PLPPR4: variants seen among roughly 807,000 people sequenced by gnomAD.
PLPPR4 encodes phospholipid phosphatase related 4, also known as phospholipid phosphatase-related protein type 4.
A neutral mutation model predicts 56.6 loss-of-function variants in PLPPR4; 24 were observed. The ratio of observed to expected loss-of-function variants is 0.42; its 90% CI spans 0.31 to 0.60. The LOEUF is 0.60. Ranked by LOEUF, PLPPR4 falls within the 20% of genes least tolerant of loss-of-function variation. The pLI, the probability that PLPPR4 is intolerant of heterozygous loss-of-function variation, is 0.13. For missense variants in PLPPR4, 654 were observed against 885.8 expected (o/e 0.74, Z 3.32); for synonymous variants, 326 against 328.1 (o/e 0.99, Z 0.07).
Position 99,309,167 on chromosome 1 carries a change from C to T in PLPPR4, c.*2157C>T, listed in dbSNP as rs1660124119. 1.3e-5 allele frequency: 2 copies of T among 152,368 alleles called. No individual in the cohort carries two copies. The highest frequency in any genetic ancestry group is 1.3e-4 in the Admixed American group (2 of 15,250). 9.4% of individuals were successfully genotyped at this position (152,368 alleles called of 1,614,324 possible). ...TAATGATAGACACTAGAACTCAGAC[C>T]TCTGCATGTATATTTGATAACATGT... On this transcript the variant is annotated 3_prime_UTR_variant, in exon 7 of 7. Transcript: ENST00000370185.
chr1:99,283,679 G>GCA (rs1659387624), intron 1 of PLPPR4, among the ~76,000 whole-genome samples: 1 of 152,142 alleles, frequency 6.6e-6, no homozygotes, highest in South Asian at 2.1e-4. Context: ...GGCTGGGCGC[G>GCA]GTGGCTCACG....
upstream of PLPPR4, among the ~76,000 whole-genome samples, chr1:99,263,362 G>T (rs1208355190): frequency 6.6e-6 from 1 of 152,172 alleles, no homozygotes; most frequent in Non-Finnish European, 1.5e-5. Flanking sequence ...AGAAGAAAGT[G>T]GGGGCAAGAG....
chr1:99,267,548 C>T (rs1368513636), intron 1 of PLPPR4, among the ~76,000 whole-genome samples: 1 of 152,178 alleles, frequency 6.6e-6, no homozygotes, highest in Non-Finnish European at 1.5e-5. Context: ...ATTATACCTA[C>T]ATCTTAGAAT....
At chr1:99,270,321 T>C (rs6689388) in intron 1 of PLPPR4, among the ~76,000 whole-genome samples, 13,270 of 152,174 alleles carry the variant, frequency 0.087, 1,048 homozygotes, top group African/African-American at 0.2. Flanking sequence ...CCACTGCACC[T>C]GGCCTACTCA....
intron 1 of PLPPR4, among the ~76,000 whole-genome samples, chr1:99,276,938 G>A (rs958283943): frequency 6.6e-6 from 1 of 152,174 alleles, no homozygotes; most frequent in Non-Finnish European, 1.5e-5. Flanking sequence ...TGAGAGGGAT[G>A]AGCATTGTTA....
rs755330528 is a variant in PLPPR4 at position 99,301,017 on chromosome 1, G to A, written c.648+51G>A. On this transcript the variant is annotated intron_variant, in intron 5 of 6. Transcript: ENST00000370185. ...AGTTGTGTTCTACAGAAAATCTGAG[G>A]AATGAATGTTGTCTCCAGGTGACTA... 10 of 1,511,364 alleles carry A rather than the reference G, an allele frequency of 6.6e-6. No individual in the cohort carries two copies. In the East Asian group the frequency reaches 2.3e-4, roughly 34 times the overall value. The allele number at this position is 1,511,364 out of a possible 1,614,324, so 93.6% of individuals were successfully genotyped here. A position where few individuals can be genotyped will look rare whatever the true frequency, so the allele number is the denominator to read the frequency against.
At chr1:99,275,729 G>A (rs72978842) in intron 1 of PLPPR4, among the ~76,000 whole-genome samples, 13,257 of 152,158 alleles carry the variant, frequency 0.087, 1,046 homozygotes, top group African/African-American at 0.2. Flanking sequence ...CAACATGACT[G>A]ACAAGGGCCA....
At chr1:99,299,962 C>T (rs1659842315) in intron 4 of PLPPR4, among the ~76,000 whole-genome samples, 1 of 151,918 alleles carries the variant, frequency 6.6e-6, no homozygotes, top group Non-Finnish European at 1.5e-5. Flanking sequence ...TTGAATTTTC[C>T]ATTCAATAAG....
At chr1:99,297,781 G>A (rs1570921575) in intron 3 of PLPPR4, among the ~76,000 whole-genome samples, 1 of 151,908 alleles carries the variant, frequency 6.6e-6, no homozygotes, top group South Asian at 2.1e-4. Flanking sequence ...TAACAGCATC[G>A]CAAACTCAGG....
rs189832912 is a variant in PLPPR4, at chr1:99,308,129, G to C, written c.*1119G>C. On this transcript the variant is annotated 3_prime_UTR_variant, in exon 7 of 7. Transcript: ENST00000370185. ...AACAAGTAATCTAAAAGTCCCATTC[G>C]GTTCTACATTATTAACTTTTTTTTT... The C allele has an allele frequency of 6.6e-6, 1 of 151,952 alleles. No homozygotes were observed. The highest frequency in any genetic ancestry group is 6.6e-5 in the Admixed American group (1 of 15,258). 9.4% of individuals were successfully genotyped at this position (151,952 alleles called of 1,614,324 possible). A position where few individuals can be genotyped will look rare whatever the true frequency, so the allele number is the denominator to read the frequency against.
chr1:99,287,873 G>T, intron 1 of PLPPR4, 92 bp from the exon 2 acceptor site: 1 of 886,408 alleles, frequency 1.1e-6, no homozygotes, highest in Admixed American at 2.4e-5. Context: ...TCGGAGAAGA[G>T]TAGCGAGAGA....
chr1:99,277,331 A>T (rs1659213235), intron 1 of PLPPR4, among the ~76,000 whole-genome samples: 1 of 152,198 alleles, frequency 6.6e-6, no homozygotes, highest in African/African-American at 2.4e-5. Context: ...ATCTGGCCAC[A>T]GTTGCTTTGG....
At chr1:99,277,760 A>G (rs1320713254) in intron 1 of PLPPR4, among the ~76,000 whole-genome samples, 2 of 151,758 alleles carry the variant, frequency 1.3e-5, no homozygotes, top group Admixed American at 1.3e-4. Context: ...TTCAAACTAG[A>G]TCTTTTTCAG....
intron 6 of PLPPR4, among the ~76,000 whole-genome samples, chr1:99,304,975 G>T (rs1341596125): frequency 1.3e-5 from 2 of 152,130 alleles, no homozygotes; most frequent in African/African-American, 4.8e-5. Flanking sequence ...GATACACTGT[G>T]TATGAAGACA....
chr1:99,306,447 A>T lies in PLPPR4; in HGVS notation c.1585A>T (p.Met529Leu). 6.2e-7 allele frequency: 1 copy of T among 1,614,234 alleles called. No individual in the cohort carries two copies. Among genetic ancestry groups the T allele is most frequent in the Non-Finnish European group, 8.5e-7 (1 of 1,180,044 alleles). ...CNRSNSQPRIMQVIAMSKQQG... is the reference protein window; with the variant it reads ...CNRSNSQPRILQVIAMSKQQG... ...CAGAAGCAACAGCCAGCCCCGAATC[A>T]TGCAAGTCATAGCCATGTCCAAGCA... Residue 529 changes from methionine (M) to leucine (L), a missense_variant, in exon 7 of 7, where the codon ATG (methionine) becomes TTG (leucine). Around this residue, in one of 2 missense-constraint regions of PLPPR4, gnomAD observed 468 missense variants for 554.3 expected, o/e 0.84. Transcript: ENST00000370185. This position sits in a 1 kb window ranked among gnomAD's most constrained non-coding sequence, Gnocchi z 4.0.
intron 1 of PLPPR4, among the ~76,000 whole-genome samples, chr1:99,276,865 G>A (rs144731921): frequency 0.029 from 4,355 of 152,168 alleles, 95 homozygotes; most frequent in Non-Finnish European, 0.04. Flanking sequence ...AGCCAAATTA[G>A]GACTGTGAAA....
At chr1:99,273,756 A>C (rs1189924489) in intron 1 of PLPPR4, among the ~76,000 whole-genome samples, 2 of 152,154 alleles carry the variant, frequency 1.3e-5, no homozygotes, top group African/African-American at 4.8e-5. Flanking sequence ...TCTATAGTAG[A>C]ATTTCAATAA....
Position 99,299,250 on chromosome 1 carries a change from A to G in PLPPR4, c.590+20A>G, listed in dbSNP as rs768096562. ...TGGCAGGTTAGAAACAGATCTAAAAACACTCTGCATCATTGTTTTCATTAT... is the reference window on the plus strand; with the variant it reads ...TGGCAGGTTAGAAACAGATCTAAAAGCACTCTGCATCATTGTTTTCATTAT... On this transcript the variant is annotated intron_variant, in intron 4 of 6. Transcript: ENST00000370185. 2.4e-5 allele frequency: 37 copies of G among 1,572,566 alleles called. No homozygotes were observed. The highest frequency in any genetic ancestry group is 3.1e-5 in the Non-Finnish European group (36 of 1,144,062).
intron 4 of PLPPR4, among the ~76,000 whole-genome samples, chr1:99,300,178 G>C (rs535018034): frequency 6.6e-6 from 1 of 151,834 alleles, no homozygotes; most frequent in Admixed American, 6.6e-5. Context: ...GTTTATCATG[G>C]TACCAAATAA....
Sources: gnomAD v4.1 joint callset for allele counts (sites outside exome capture counted in the v4.1 genomes callset) on GRCh38, gnomAD v4.1.1 for gene constraint, gnomAD v4.1.1 regional missense constraint, Gnocchi (gnomAD v3.1) non-coding constraint, MANE v1.5 for transcripts, NCBI Gene and HGNC (gene_info 2026-07-23, HGNC 2026-07-21) for gene names.